CHCHD6: variants seen among roughly 807,000 people sequenced by gnomAD.
The protein encoded by CHCHD6 is coiled-coil-helix-coiled-coil-helix domain containing 6.
In CHCHD6, 28 loss-of-function variants were observed where a neutral mutation model predicts 32.3. The observed-to-expected ratio is 0.87, with a 90% CI of 0.64 to 1.19. The LOEUF is 1.19. Among genes scored for constraint, CHCHD6 ranks in the 50% most tolerant of loss-of-function variants. CHCHD6 has a pLI of 0.00. For missense variants in CHCHD6, 333 were observed against 307.0 expected (o/e 1.08, Z -0.63); for synonymous variants, 122 against 117.5 (o/e 1.04, Z -0.25).
At chr3:126,792,832 G>A (rs1190667268) in intron 4 of CHCHD6, among the ~76,000 whole-genome samples, 1 of 152,080 alleles carries the variant, frequency 6.6e-6, no homozygotes, top group Admixed American at 6.5e-5. Flanking sequence ...GTTTCTGAGA[G>A]TTGTGTTGAA....
At chr3:126,784,168 C>T (rs1178366899) in intron 4 of CHCHD6, among the ~76,000 whole-genome samples, 3 of 152,272 alleles carry the variant, frequency 2.0e-5, no homozygotes, top group Non-Finnish European at 2.9e-5. Flanking sequence ...CCCACCGCCT[C>T]ATGGTTTTCT....
At chr3:126,854,146 A>G (rs1369577873) in intron 5 of CHCHD6, among the ~76,000 whole-genome samples, 1 of 152,178 alleles carries the variant, frequency 6.6e-6, no homozygotes, top group Non-Finnish European at 1.5e-5. Context: ...CTAGAAACCA[A>G]GTCTCTGCTT....
intron 5 of CHCHD6, among the ~76,000 whole-genome samples, chr3:126,893,190 C>T (rs1011766710): frequency 2.0e-5 from 3 of 152,100 alleles, no homozygotes; most frequent in African/African-American, 7.2e-5. Context: ...AACTCCTGGC[C>T]TCAAGTGATC....
intron 5 of CHCHD6, among the ~76,000 whole-genome samples, chr3:126,876,361 G>C (rs1323589123): frequency 6.6e-6 from 1 of 152,224 alleles, no homozygotes; most frequent in Non-Finnish European, 1.5e-5. Flanking sequence ...TTTGAGTCTG[G>C]TGAGAAGAAA....
chr3:126,904,833 G>T (rs528010358), intron 5 of CHCHD6, among the ~76,000 whole-genome samples: 1 of 152,326 alleles, frequency 6.6e-6, no homozygotes, highest in East Asian at 1.9e-4. Flanking sequence ...CTGTAGCAAG[G>T]TTTAGATGGC....
intron 4 of CHCHD6, among the ~76,000 whole-genome samples, chr3:126,839,301 C>T (rs1312402051): frequency 1.3e-5 from 2 of 152,158 alleles, no homozygotes; most frequent in Non-Finnish European, 2.9e-5. Flanking sequence ...AGAGTACAAG[C>T]AGGTAAACAG....
intron 5 of CHCHD6, among the ~76,000 whole-genome samples, chr3:126,898,375 A>G (rs1177501817): frequency 1.3e-5 from 2 of 152,244 alleles, no homozygotes; most frequent in African/African-American, 2.4e-5. Flanking sequence ...TGCTGGGCAC[A>G]GTGCTGGGCC....
intron 1 of CHCHD6, among the ~76,000 whole-genome samples, chr3:126,720,911 A>G (rs1316165323): frequency 6.6e-6 from 1 of 152,214 alleles, no homozygotes; most frequent in Non-Finnish European, 1.5e-5. Context: ...ACAGCCGCAA[A>G]AAAGGAGCAA....
chr3:126,809,594 G>T (rs868510032), intron 4 of CHCHD6, among the ~76,000 whole-genome samples: 8 of 152,320 alleles, frequency 5.3e-5, no homozygotes, highest in Middle Eastern at 3.4e-3. Context: ...GTCCGCTCTT[G>T]TGCTGCTGTT....
In CHCHD6 at chr3:126,795,180, A is replaced by G. The variant is rs569553413; in HGVS notation, c.412-57467A>G. Among the ~76,000 whole-genome samples the G allele has an allele frequency of 4.6e-5, 7 of 152,262 alleles. No individual in the cohort carries two copies. In the East Asian group the frequency reaches 1.4e-3, roughly 29 times the overall value. ...TAGCTGCCCACGTCTCCTGCCTACC[A>G]GGAGCTCATGCTCTGGTAGAGACAT... On this transcript the variant is annotated intron_variant, in intron 4 of 7. Transcript: ENST00000290913.
chr3:126,913,831 G>T (rs545081842), intron 5 of CHCHD6, among the ~76,000 whole-genome samples: 12 of 152,354 alleles, frequency 7.9e-5, no homozygotes, highest in African/African-American at 2.9e-4. Flanking sequence ...AGGAGGATGT[G>T]GACCTGGGCC....
chr3:126,795,804 T>C (rs1208010155), intron 4 of CHCHD6, among the ~76,000 whole-genome samples: 2 of 152,184 alleles, frequency 1.3e-5, no homozygotes, highest in Non-Finnish European at 2.9e-5. Context: ...TCCCCTCTTT[T>C]CCATCACCTA....
chr3:126,811,646 G>A (rs1178731225), intron 4 of CHCHD6, among the ~76,000 whole-genome samples: 2 of 152,172 alleles, frequency 1.3e-5, no homozygotes, highest in Admixed American at 6.5e-5. Context: ...TGAGGAGGCT[G>A]TTGACAAACT....
chr3:126,755,433 G>A (rs1028956177), intron 4 of CHCHD6, among the ~76,000 whole-genome samples: 2 of 152,164 alleles, frequency 1.3e-5, no homozygotes, highest in Non-Finnish European at 2.9e-5. Flanking sequence ...CCTGGCTGGA[G>A]GGTCATCTCT....
chr3:126,751,181 C>A (rs1936707252), intron 4 of CHCHD6, among the ~76,000 whole-genome samples: 1 of 150,810 alleles, frequency 6.6e-6, no homozygotes, highest in African/African-American at 2.4e-5. Context: ...GGTTGCACTT[C>A]TTTGAAGGCA....
At chr3:126,722,065 T>C (rs958670200) in intron 1 of CHCHD6, among the ~76,000 whole-genome samples, 14 of 152,240 alleles carry the variant, frequency 9.2e-5, no homozygotes, top group African/African-American at 2.9e-4. Flanking sequence ...CATGTTTTCA[T>C]TTGTCTTTGG....
chr3:126,911,558 G>A (rs181075975), intron 5 of CHCHD6, among the ~76,000 whole-genome samples: 3 of 152,360 alleles, frequency 2.0e-5, no homozygotes, highest in South Asian at 2.1e-4. Context: ...GGGTAGGCGG[G>A]TCAGGACAGG....
At chr3:126,742,797 A>G (rs1445983127) in intron 4 of CHCHD6, among the ~76,000 whole-genome samples, 1 of 152,186 alleles carries the variant, frequency 6.6e-6, no homozygotes, top group Non-Finnish European at 1.5e-5. Context: ...CAGCCTCTAG[A>G]ACTATGAGAA....
chr3:126,903,539 A>T lies in CHCHD6; in HGVS notation c.496-11141A>T, dbSNP rs541600709. Among the ~76,000 whole-genome samples the T allele has an allele frequency of 1.9e-3, 295 of 152,298 alleles. 1 individual carries two copies. Among genetic ancestry groups the T allele is most frequent in the African/African-American group, 6.6e-3 (274 of 41,564 alleles). ...TTAAACTTCATGTCCCTTGATTTTT[A>T]AAAAAAATTCTGTTGTGCTATGCAT... On this transcript the variant is annotated intron_variant, in intron 5 of 7. Transcript: ENST00000290913.
Sources: gnomAD v4.1 joint callset for allele counts (sites outside exome capture counted in the v4.1 genomes callset) on GRCh38, gnomAD v4.1.1 for gene constraint, MANE v1.5 for transcripts, NCBI Gene and HGNC (gene_info 2026-07-23, HGNC 2026-07-21) for gene names.